PTPRT: variants seen among roughly 807,000 people sequenced by gnomAD.
PTPRT encodes the protein receptor-type tyrosine-protein phosphatase T.
A neutral mutation model predicts 176.8 loss-of-function variants in PTPRT; 56 were observed. That is an observed-to-expected ratio of 0.32 (90% CI 0.26 to 0.40). PTPRT has a LOEUF of 0.40. Ranked by LOEUF, PTPRT falls within the 10% of genes least tolerant of loss-of-function variation. The pLI is 1.00. For missense variants in PTPRT, 1,540 were observed against 1,908.2 expected, an observed-to-expected ratio of 0.81 and a Z score of 3.60; for synonymous variants, 783 against 739.0, an observed-to-expected ratio of 1.06 and a Z score of -0.96.
chr20:42,164,705 C>T (rs148297430), intron 16 of PTPRT, among the ~76,000 whole-genome samples: 90 of 152,288 alleles, frequency 5.9e-4, no homozygotes, highest in Middle Eastern at 3.4e-3. Context: ...ACAAGTAATG[C>T]TACGTTTTTA....
intron 7 of PTPRT, among the ~76,000 whole-genome samples, chr20:42,671,535 CAGG>C: frequency 6.6e-6 from 1 of 152,110 alleles, no homozygotes; most frequent in Admixed American, 6.5e-5. Context: ...TGGGATTTTC[CAGG>C]AGATGATGAA....
At chr20:42,498,735 C>T (rs1471230058) in intron 7 of PTPRT, among the ~76,000 whole-genome samples, 1 of 152,172 alleles carries the variant, frequency 6.6e-6, no homozygotes, top group African/African-American at 2.4e-5. Context: ...CCTCTCTTAC[C>T]TTACCTTAAC....
chr20:42,601,486 C>A (rs1214547670), intron 7 of PTPRT, among the ~76,000 whole-genome samples: 1 of 152,142 alleles, frequency 6.6e-6, no homozygotes, highest in Non-Finnish European at 1.5e-5. Flanking sequence ...ATTTTACACA[C>A]AAGAAACATG....
At chr20:42,330,676 G>A (rs988171865) in intron 11 of PTPRT, among the ~76,000 whole-genome samples, 1 of 152,074 alleles carries the variant, frequency 6.6e-6, no homozygotes, top group Non-Finnish European at 1.5e-5. Flanking sequence ...TCACGCCACT[G>A]CTCTCCAGCC....
chr20:42,788,883 T>C lies in PTPRT; in HGVS notation c.486+2312A>G, dbSNP rs79645671. Among the ~76,000 whole-genome samples the C allele has an allele frequency of 2.2e-4, 34 of 152,258 alleles. No individual in the cohort carries two copies. The East Asian group carries it at 6.4e-3, about 29-fold the overall frequency. On this transcript the variant is annotated intron_variant, in intron 3 of 30. Transcript: ENST00000373187. ...CTTTCAAGAACTCTACTAGGGGAAA[T>C]TGTGGAGCCAAGTGGTTAAGAATTA...
At chr20:42,584,107 C>T (rs1174764833) in intron 7 of PTPRT, among the ~76,000 whole-genome samples, 2 of 152,216 alleles carry the variant, frequency 1.3e-5, no homozygotes, top group African/African-American at 2.4e-5. Context: ...AGCTGAATAT[C>T]ACCAAGAGAC....
At chr20:42,129,998 C>G (rs572672457) in intron 18 of PTPRT, among the ~76,000 whole-genome samples, 166 of 152,250 alleles carry the variant, frequency 1.1e-3, no homozygotes, top group African/African-American at 3.7e-3. Flanking sequence ...AGGATGGGTT[C>G]TTTTAGCCCT....
intron 1 of PTPRT, among the ~76,000 whole-genome samples, chr20:43,169,039 C>T (rs934076327): frequency 4.6e-5 from 7 of 152,140 alleles, no homozygotes; most frequent in South Asian, 4.1e-4. Flanking sequence ...GGCCAGAGTG[C>T]GCACCCCAGG....
At chr20:42,203,117 A>C (rs942405087) in intron 15 of PTPRT, among the ~76,000 whole-genome samples, 7 of 152,166 alleles carry the variant, frequency 4.6e-5, no homozygotes, top group African/African-American at 1.7e-4. Context: ...TAATGTATGG[A>C]TAGATGTTAT....
chr20:43,058,340 G>A (rs1454353686), intron 1 of PTPRT, among the ~76,000 whole-genome samples: 2 of 151,898 alleles, frequency 1.3e-5, no homozygotes, highest in Non-Finnish European at 2.9e-5. Context: ...GAGAAAGTGA[G>A]TGGGGAGAGA....
intron 1 of PTPRT, among the ~76,000 whole-genome samples, chr20:42,902,523 G>A (rs1402853130): frequency 6.6e-6 from 1 of 152,174 alleles, no homozygotes; most frequent in Admixed American, 6.5e-5. Flanking sequence ...AGAACATCCT[G>A]ATGTCATGCA....
intron 6 of PTPRT, among the ~76,000 whole-genome samples, chr20:42,720,866 G>T (rs188557220): frequency 6.6e-6 from 1 of 152,268 alleles, no homozygotes; most frequent in Admixed American, 6.5e-5. Flanking sequence ...GAGAGTTGGG[G>T]TCCAGTAACC....
chr20:43,146,647 T>C (rs1038342855), intron 1 of PTPRT, among the ~76,000 whole-genome samples: 7 of 151,996 alleles, frequency 4.6e-5, no homozygotes, highest in African/African-American at 1.4e-4. Flanking sequence ...AAAAAGACTG[T>C]CTGGGGGTAC....
At chr20:42,430,178 C>T (rs1037353249) in intron 9 of PTPRT, among the ~76,000 whole-genome samples, 6 of 152,262 alleles carry the variant, frequency 3.9e-5, no homozygotes, top group South Asian at 2.1e-4. Context: ...CCAGGGTCCA[C>T]GGTCCACAGA....
At chr20:42,536,285 A>C (rs977784261) in intron 7 of PTPRT, among the ~76,000 whole-genome samples, 3 of 152,180 alleles carry the variant, frequency 2.0e-5, no homozygotes, top group African/African-American at 7.2e-5. Flanking sequence ...TTTAATCCTT[A>C]CAGTAACACC....
chr20:42,032,792 G>A, the PTPRT span, among the ~76,000 whole-genome samples: 4 of 151,926 alleles, frequency 2.6e-5, no homozygotes, highest in Non-Finnish European at 5.9e-5. Flanking sequence ...CATCTCACTG[G>A]TGTTGAGTAA....
intron 1 of PTPRT, among the ~76,000 whole-genome samples, chr20:43,051,645 A>AAAAAAAAAT: frequency 6.6e-6 from 1 of 151,340 alleles, no homozygotes; most frequent in South Asian, 2.1e-4. Context: ...AAAAAAAAAA[A>AAAAAAAAAT]AAAATCTACA....
At chr20:42,720,106 G>A (rs572173822) in intron 6 of PTPRT, among the ~76,000 whole-genome samples, 1 of 152,156 alleles carries the variant, frequency 6.6e-6, no homozygotes, top group South Asian at 2.1e-4. Context: ...ATGCCTACTG[G>A]GTGATTTACA....
At position 43,014,877 on chromosome 20, in the gene PTPRT, A is replaced by G. The variant is rs552769165; in HGVS notation, c.89-128945T>C. On this transcript the variant is annotated intron_variant, in intron 1 of 30. Coordinates refer to ENST00000373187, the MANE Select transcript of PTPRT (RefSeq NM_007050.6). ...GGATGTGAAAGTGGGGGCCTAGATA[A>G]GCATTTTAAAGCATTTCCACACAAA... is the stretch of plus-strand genomic sequence containing the variant. Among the ~76,000 whole-genome samples, 229 of 152,312 alleles carry G rather than the reference A, an allele frequency of 1.5e-3. 1 individual carries two copies. The highest frequency in any genetic ancestry group is 6.8e-3 in the Middle Eastern group (2 of 294).
Sources: allele counts gnomAD v4.1 joint callset (sites outside exome capture counted in the v4.1 genomes callset), GRCh38; gene constraint gnomAD v4.1.1; transcripts MANE v1.5; gene names NCBI Gene and HGNC (gene_info 2026-07-23, HGNC 2026-07-21).